Variants in ZNF396 observed in about 807,000 individuals in gnomAD.
ZNF396 encodes the protein zinc finger and SCAN domain-containing protein 14.
In ZNF396, 14 loss-of-function variants were observed where a neutral mutation model predicts 20.5. The observed-to-expected ratio is 0.68, with a 90% confidence interval of 0.45 to 1.07. The LOEUF is 1.07. Among genes scored for constraint, ZNF396 ranks in the 50% least tolerant of loss-of-function variants. The probability of loss-of-function intolerance (pLI) is 0.00; values close to 1 mark genes in which losing one functional copy is unlikely to be tolerated. For synonymous variants in ZNF396, 119 were observed against 140.6 expected (o/e 0.85, Z 1.08); for missense variants, 347 against 390.1 (o/e 0.89, Z 0.93).
chr18:35,368,892 A>G lies in ZNF396; in HGVS notation c.*323T>C. Reference sequence around the variant, plus strand: ...GAGGGAAAAAACATACTTGTCTAAAAAGATATATACTAATTCATTATATGT... The same window carrying G: ...GAGGGAAAAAACATACTTGTCTAAAGAGATATATACTAATTCATTATATGT... On this transcript the variant is annotated 3_prime_UTR_variant, in exon 4 of 4. Transcript: ENST00000589332. The G allele has an allele frequency of 9.4e-7, 1 of 1,060,478 alleles. No individual in the cohort carries two copies. The highest frequency in any genetic ancestry group is 1.1e-6 in the Non-Finnish European group (1 of 880,118). The allele number at this position is 1,060,478 out of a possible 1,614,324, so 65.7% of individuals were successfully genotyped here. A position where few individuals can be genotyped will look rare whatever the true frequency, so the allele number is the denominator to read the frequency against.
At chr18:35,373,179 G>T (rs1457005479) in intron 3 of ZNF396, 4 of 414,564 alleles carry the variant, frequency 9.6e-6, no homozygotes, top group Non-Finnish European at 1.3e-5. Context: ...GGCCTCAAGG[G>T]CTGCCTGAAG....
rs1461156117 is a variant in ZNF396, at chr18:35,367,457, A to G, written c.*1758T>C. The G allele has an allele frequency of 2.0e-5, 3 of 152,232 alleles. No individual in the cohort carries two copies. Among genetic ancestry groups the G allele is most frequent in the Non-Finnish European group, 4.4e-5 (3 of 68,038 alleles). 9.4% of individuals were successfully genotyped at this position (152,232 alleles called of 1,614,324 possible). A position where few individuals can be genotyped will look rare whatever the true frequency, so the allele number is the denominator to read the frequency against. ...ACCCAACCAGACAAAGAAGTTTACTATGAGTCTCTTCCCTTATTCCAAGGA... is the reference window on the plus strand; with the variant it reads ...ACCCAACCAGACAAAGAAGTTTACTGTGAGTCTCTTCCCTTATTCCAAGGA... On this transcript the variant is annotated 3_prime_UTR_variant, in exon 4 of 4. Coordinates refer to ENST00000589332, the MANE Select transcript of ZNF396 (RefSeq NM_001322286.2).
intron 2 of ZNF396, 70 bp downstream of exon 2, chr18:35,373,806 T>G: frequency 6.5e-7 from 1 of 1,548,380 alleles, no homozygotes; most frequent in East Asian, 2.3e-5. Context: ...GTTTGAGAGC[T>G]CTACTCCCAA....
intron 3 of ZNF396, among the ~76,000 whole-genome samples, chr18:35,371,412 T>G (rs1265592288): frequency 6.6e-6 from 1 of 152,208 alleles, no homozygotes; most frequent in Non-Finnish European, 1.5e-5. Flanking sequence ...TTTCTGTTGT[T>G]TAGAATAGAA....
intron 3 of ZNF396, among the ~76,000 whole-genome samples, chr18:35,370,672 C>A (rs909445935): frequency 1.9e-4 from 29 of 150,986 alleles, no homozygotes; most frequent in African/African-American, 6.6e-4. Flanking sequence ...GCCACTACGC[C>A]CGGCTAATTT....
In ZNF396 at chr18:35,373,263, A is replaced by G. The variant is rs1366082935; in HGVS notation, c.562+193T>C. The G allele has an allele frequency of 6.4e-6, 4 of 628,498 alleles. No homozygotes were observed. In the East Asian group the frequency reaches 1.3e-4, roughly 20 times the overall value. The allele number at this position is 628,498 out of a possible 1,614,324, so 38.9% of individuals were successfully genotyped here. A position where few individuals can be genotyped will look rare whatever the true frequency, so the allele number is the denominator to read the frequency against. On this transcript the variant is annotated intron_variant, in intron 3 of 3. Coordinates refer to ENST00000589332, the MANE Select transcript of ZNF396 (RefSeq NM_001322286.2). ...GGGATTTAAAGTCTGAAGATTTTAT[A>G]AGAATCTCTGAAAAAGAAGCAAGAA... is the stretch of plus-strand genomic sequence containing the variant.
In ZNF396 at chr18:35,366,904, C is replaced by T. The variant is rs767994122; in HGVS notation, c.*2311G>A. On this transcript the variant is annotated 3_prime_UTR_variant, in exon 4 of 4. Transcript: ENST00000589332. ...ATATACTTAGACGATATGATTCATA[C>T]CACTTTCCTGTGGAAACACTCAAAT... is the stretch of plus-strand genomic sequence containing the variant. The T allele has an allele frequency of 6.6e-6, 1 of 152,090 alleles. No homozygotes were observed. The highest frequency in any genetic ancestry group is 1.5e-5 in the Non-Finnish European group (1 of 68,028). The allele number at this position is 152,090 out of a possible 1,614,324, so 9.4% of individuals were successfully genotyped here.
intron 3 of ZNF396, among the ~76,000 whole-genome samples, chr18:35,371,316 C>A (rs2045176465): frequency 1.3e-5 from 2 of 152,060 alleles, no homozygotes; most frequent in African/African-American, 4.8e-5. Flanking sequence ...ATATAAAAAT[C>A]AAATCAAATG....
chr18:35,376,836 A>AG (rs1373503433), intron 1 of ZNF396, among the ~76,000 whole-genome samples: 1 of 152,088 alleles, frequency 6.6e-6, no homozygotes, highest in Non-Finnish European at 1.5e-5. Context: ...ACGTCCCTGG[A>AG]GGGGAGGCTT....
rs116404576 is a variant in ZNF396 at position 35,369,350 on chromosome 18, G to T, written c.873C>A (p.Ser291Arg). 6.2e-7 allele frequency: 1 copy of T among 1,614,164 alleles called. No homozygotes were observed. Among genetic ancestry groups the T allele is most frequent in the African/African-American group, 1.3e-5 (1 of 75,032 alleles). Reference protein sequence around the residue: ...CDECAKAFSRSAILIQHRRTH... With the variant: ...CDECAKAFSRRAILIQHRRTH... ...TTCGTCGATGCTGAATCAGAATTGC[G>T]CTTCGGCTGAATGCCTTTGCACACT... Residue 291 changes from serine to arginine, a missense_variant, in exon 4 of 4, where the codon AGC becomes AGA. By Grantham distance (110) the Ser-to-Arg change is moderately radical (BLOSUM62 -1). Coordinates refer to ENST00000589332, the MANE Select transcript of ZNF396 (RefSeq NM_001322286.2).
rs1195951921 is a variant in ZNF396 at position 35,374,136 on chromosome 18, G to T, written c.157C>A (p.Gln53Lys). The T allele has an allele frequency of 1.9e-6, 3 of 1,614,250 alleles. No homozygotes were observed. Among genetic ancestry groups the T allele is most frequent in the Non-Finnish European group, 2.5e-6 (3 of 1,180,044 alleles). The change falls in exon 2 of 4, where the codon CAG becomes AAG. Residue 53 changes from glutamine (Q) to lysine (K), a missense_variant. Gln to Lys is a moderately conservative substitution (Grantham distance 53). Transcript: ENST00000589332. This position sits in a 1 kb window ranked among gnomAD's most constrained non-coding sequence, Gnocchi z 4.3. ...SSSYSPETFR[Q>K]QFRQFGYQDS... ...TGGTAGCCAAACTGCCTGAATTGCT[G>T]GCGGAAGGTCTCTGGGCTGTAGCTG...
At chr18:35,377,205 TCC>T (rs981024918) in intron 1 of ZNF396, 71 bp downstream of exon 1, 1 of 130,398 alleles carries the variant, frequency 7.7e-6, no homozygotes, top group Non-Finnish European at 1.5e-5. Context: ...CCTCTCCGCG[TCC>T]CCCTTCCACC....
Position 35,370,043 on chromosome 18 carries a change from A to C in ZNF396, c.563-383T>G, listed in dbSNP as rs148151377. On this transcript the variant is annotated intron_variant, in intron 3 of 3. Transcript: ENST00000589332. Reference sequence around the variant, plus strand: ...CAAGATTTAGTACTGGAGTATCAATAAATAAATAAAGCTTAATATTCATAA... The same window carrying C: ...CAAGATTTAGTACTGGAGTATCAATCAATAAATAAAGCTTAATATTCATAA... 1.6e-3 allele frequency among the ~76,000 whole-genome samples: 248 copies of C among 152,314 alleles called. 1 individual carries two copies. The highest frequency in any genetic ancestry group is 6.8e-3 in the Middle Eastern group (2 of 294).
At position 35,368,908 on chromosome 18, in the gene ZNF396, C is replaced by G. The variant is rs2045133098; in HGVS notation, c.*307G>C. The G allele has an allele frequency of 1.8e-6, 2 of 1,116,798 alleles. No individual in the cohort carries two copies. Among genetic ancestry groups the G allele is most frequent in the African/African-American group, 3.2e-5 (2 of 61,556 alleles). 69.2% of individuals were successfully genotyped at this position (1,116,798 alleles called of 1,614,324 possible). A position where few individuals can be genotyped will look rare whatever the true frequency, so the allele number is the denominator to read the frequency against. ...TTGTCTAAAAAGATATATACTAATT[C>G]ATTATATGTGTTAATAATGAAAATA... On this transcript the variant is annotated 3_prime_UTR_variant, in exon 4 of 4. Transcript: ENST00000589332.
intron 2 of ZNF396, 57 bp from the exon 3 acceptor site, chr18:35,373,657 A>C: frequency 6.3e-7 from 1 of 1,585,398 alleles, no homozygotes. Context: ...CTTGAGGATA[A>C]AATAACAGAG....
In ZNF396 at chr18:35,374,174, A is replaced by G; in HGVS notation, c.119T>C (p.Leu40Pro). 1 of 1,614,204 alleles carries G rather than the reference A, an allele frequency of 6.2e-7. No homozygotes were observed. The highest frequency in any genetic ancestry group is 8.5e-7 in the Non-Finnish European group (1 of 1,180,038). ...TGGGCTGTAGCTGCTGCTCCAGTGG[A>G]GGCTAGAGTCTGGATCACAGGTCTG... Reference protein sequence around the residue: ...EEQTCDPDSSLHWSSSYSPET... With the variant: ...EEQTCDPDSSPHWSSSYSPET... Residue 40 changes from leucine (L) to proline (P), a missense_variant, in exon 2 of 4, where the codon CTC (leucine) becomes CCC (proline). Coordinates refer to ENST00000589332, the MANE Select transcript of ZNF396 (RefSeq NM_001322286.2). The surrounding 1 kb of genome is among the most constrained non-coding windows in gnomAD (Gnocchi z 4.3).
intron 3 of ZNF396, among the ~76,000 whole-genome samples, chr18:35,371,456 A>T (rs2045179287): frequency 6.6e-6 from 1 of 152,184 alleles, no homozygotes; most frequent in Non-Finnish European, 1.5e-5. Context: ...TATAAAAAGA[A>T]TTTATTTCTT....
chr18:35,372,769 G>A (rs1272385878), intron 3 of ZNF396: 1 of 152,106 alleles, frequency 6.6e-6, no homozygotes, highest in Non-Finnish European at 1.5e-5. Context: ...TAAAACAGAC[G>A]AAAACACAGC....
At chr18:35,376,451 G>T (rs2045258406) in intron 1 of ZNF396, among the ~76,000 whole-genome samples, 1 of 152,208 alleles carries the variant, frequency 6.6e-6, no homozygotes, top group South Asian at 2.1e-4. Flanking sequence ...CTGGCCAAGG[G>T]CAAAGCTGGG....
Sources: gnomAD v4.1 joint callset for allele counts (sites outside exome capture counted in the v4.1 genomes callset) on GRCh38, gnomAD v4.1.1 for gene constraint, Gnocchi (gnomAD v3.1) non-coding constraint, MANE v1.5 for transcripts, NCBI Gene and HGNC (gene_info 2026-07-23, HGNC 2026-07-21) for gene names.